The following LIN7A variants were observed in gnomAD, a reference collection of about 807,000 sequenced individuals.
LIN7A encodes the protein lin-7 cell polarity scaffold A.
In LIN7A, 25 loss-of-function variants were observed where a neutral mutation model predicts 29.8. That is an observed-to-expected ratio of 0.84 (90% CI 0.61 to 1.17). LIN7A has a LOEUF of 1.17. LIN7A is among the 50% of genes most tolerant of loss of function. The pLI is 0.00. For missense variants in LIN7A, 239 were observed against 287.0 expected (o/e 0.83, Z 1.21); for synonymous variants, 118 against 107.5 (o/e 1.10, Z -0.60).
chr12:80,834,114 C>G (rs534628286), intron 4 of LIN7A, among the ~76,000 whole-genome samples: 329 of 152,268 alleles, frequency 2.2e-3, no homozygotes, highest in Non-Finnish European at 3.8e-3. Flanking sequence ...ATCCTCAACT[C>G]TTCTGATGTC....
intron 3 of LIN7A, among the ~76,000 whole-genome samples, chr12:80,846,537 A>G (rs1873087642): frequency 6.6e-6 from 1 of 152,184 alleles, no homozygotes; most frequent in Non-Finnish European, 1.5e-5. Flanking sequence ...GAAAACTAAA[A>G]TAAAATAATA....
chr12:80,836,685 T>C (rs1443608608), intron 4 of LIN7A, among the ~76,000 whole-genome samples: 1 of 151,936 alleles, frequency 6.6e-6, no homozygotes, highest in Non-Finnish European at 1.5e-5. Context: ...TGTATATATA[T>C]ATATTTTAAA....
rs185456067 is a variant in LIN7A at position 80,913,970 on chromosome 12, C to A, written c.82+23671G>T. Among the ~76,000 whole-genome samples, 13 of 152,306 alleles carry A rather than the reference C, an allele frequency of 8.5e-5. No individual in the cohort carries two copies. The East Asian group carries it at 2.5e-3, about 29-fold the overall frequency. On this transcript the variant is annotated intron_variant, in intron 1 of 5. Transcript: ENST00000552864. ...TTTTCATATATCAGTCCCAATTTAT[C>A]CTTGGTTGTTTCCCCCACATCTTAA...
chr12:80,895,972 A>G (rs1158452714), intron 1 of LIN7A, among the ~76,000 whole-genome samples: 1 of 152,164 alleles, frequency 6.6e-6, no homozygotes, highest in East Asian at 1.9e-4. Flanking sequence ...TTGGTTATCT[A>G]TGGCTTTCAA....
intron 1 of LIN7A, among the ~76,000 whole-genome samples, chr12:80,905,335 G>T (rs910147796): frequency 2.6e-5 from 4 of 152,118 alleles, no homozygotes; most frequent in East Asian, 1.9e-4. Context: ...GTTTTAAGAA[G>T]ATTATACTTC....
intron 2 of LIN7A, among the ~76,000 whole-genome samples, chr12:80,855,047 G>A (rs1417371962): frequency 1.3e-5 from 2 of 151,896 alleles, no homozygotes; most frequent in Admixed American, 6.6e-5. Context: ...GTAGTGCCTC[G>A]TTATAGATGG....
chr12:80,897,211 CCTT>C (rs1211576091), intron 1 of LIN7A, among the ~76,000 whole-genome samples: 2 of 151,488 alleles, frequency 1.3e-5, no homozygotes, highest in African/African-American at 4.8e-5. Flanking sequence ...ATTTTTTTCT[CCTT>C]ATTATTTGAT....
rs1870335734 is a variant in LIN7A at position 80,794,142 on chromosome 12, T to A, written c.*3585A>T. 6.6e-6 allele frequency: 1 copy of A among 152,136 alleles called. No individual in the cohort carries two copies. Among genetic ancestry groups the A allele is most frequent in the Non-Finnish European group, 1.5e-5 (1 of 67,994 alleles). The allele number at this position is 152,136 out of a possible 1,614,324, so 9.4% of individuals were successfully genotyped here. The stretch of plus-strand genomic sequence containing the variant: ...TCAGTATAATATAAGCTGGTAAAAT[T>A]TGTGAGATTTTCAGAAGGCAAAATC... On this transcript the variant is annotated 3_prime_UTR_variant, in exon 6 of 6. Coordinates refer to ENST00000552864, the MANE Select transcript of LIN7A (RefSeq NM_004664.4).
chr12:80,925,055 C>G (rs1877508398), intron 1 of LIN7A, among the ~76,000 whole-genome samples: 1 of 152,144 alleles, frequency 6.6e-6, no homozygotes, highest in Non-Finnish European at 1.5e-5. Flanking sequence ...TAGTTTTACC[C>G]TCTAAAACTA....
intron 1 of LIN7A, among the ~76,000 whole-genome samples, chr12:80,909,048 C>G (rs1388543218): frequency 6.6e-6 from 1 of 152,050 alleles, no homozygotes; most frequent in Non-Finnish European, 1.5e-5. Context: ...TGGACTAACT[C>G]AACGCCTCAA....
rs1231857824 is a variant in LIN7A at position 80,797,368 on chromosome 12, G to T, written c.*359C>A. The T allele has an allele frequency of 6.6e-6, 1 of 152,564 alleles. No homozygotes were observed. Among genetic ancestry groups the T allele is most frequent in the Non-Finnish European group, 1.5e-5 (1 of 68,024 alleles). The allele number at this position is 152,564 out of a possible 1,614,324, so 9.5% of individuals were successfully genotyped here. ...GAGGGGTTTGCTAATATCTGGAAAA[G>T]CTATGGACCCAAGATTCACTCAATC... On this transcript the variant is annotated 3_prime_UTR_variant, in exon 6 of 6. Coordinates refer to ENST00000552864, the MANE Select transcript of LIN7A (RefSeq NM_004664.4).
intron 2 of LIN7A, among the ~76,000 whole-genome samples, chr12:80,867,686 G>A (rs979487092): frequency 2.0e-5 from 3 of 152,140 alleles, no homozygotes; most frequent in Admixed American, 1.3e-4. Context: ...GAAGATGACA[G>A]GGTTCAGAGG....
chr12:80,877,312 CTG>C (rs1874761424), intron 2 of LIN7A, among the ~76,000 whole-genome samples: 1 of 151,994 alleles, frequency 6.6e-6, no homozygotes, highest in Non-Finnish European at 1.5e-5. Context: ...ATTTTATAAA[CTG>C]TGATATCTTC....
chr12:80,866,415 C>G (rs1388407307), intron 2 of LIN7A, among the ~76,000 whole-genome samples: 5 of 151,974 alleles, frequency 3.3e-5, no homozygotes, highest in African/African-American at 1.2e-4. Flanking sequence ...GTCTTATTAT[C>G]CAGTGAACCT....
intron 2 of LIN7A, among the ~76,000 whole-genome samples, chr12:80,875,643 A>T (rs1216101599): frequency 6.6e-6 from 1 of 152,224 alleles, no homozygotes; most frequent in Non-Finnish European, 1.5e-5. Flanking sequence ...TGATAATACA[A>T]GATTTATGAA....
At chr12:80,871,789 T>C (rs1418290282) in intron 2 of LIN7A, among the ~76,000 whole-genome samples, 1 of 151,850 alleles carries the variant, frequency 6.6e-6, no homozygotes, top group Non-Finnish European at 1.5e-5. Context: ...TTCTAGAATC[T>C]TGTAGTAGAC....
At chr12:80,848,019 A>C in intron 3 of LIN7A, 1 of 629,966 alleles carries the variant, frequency 1.6e-6, no homozygotes, top group East Asian at 3.1e-5. Flanking sequence ...AATGGACATT[A>C]AGTGAGTTTA....
At chr12:80,826,117 A>T (rs1479897342) in intron 4 of LIN7A, among the ~76,000 whole-genome samples, 2 of 152,196 alleles carry the variant, frequency 1.3e-5, no homozygotes, top group African/African-American at 4.8e-5. Context: ...GAGAAGTCAA[A>T]ATTTAAAGGC....
In LIN7A at chr12:80,937,696, A is replaced by G; in HGVS notation, c.27T>C (p.Ala9=). 6.5e-7 allele frequency: 1 copy of G among 1,533,414 alleles called. No individual in the cohort carries two copies. The highest frequency in any genetic ancestry group is 1.8e-5 in the Admixed American group (1 of 54,754). The allele number at this position is 1,533,414 out of a possible 1,614,324, so 95.0% of individuals were successfully genotyped here. Residue 9 remains alanine, a synonymous_variant, in exon 1 of 6, where the codon GCT becomes GCC. Transcript: ENST00000552864. ...TCAATGTCGCCATGTCTGCCGTGGG[A>G]GCCGAAGTGACGCTCGGCTTCAGCA... The part of the protein sequence containing the change: MLKPSVTS[A]PTADMATLTV...
Sources: allele counts gnomAD v4.1 joint callset (sites outside exome capture counted in the v4.1 genomes callset), GRCh38; gene constraint gnomAD v4.1.1; transcripts MANE v1.5; gene names NCBI Gene and HGNC (gene_info 2026-07-23, HGNC 2026-07-21).